The following BRD10 variants were observed in gnomAD, a reference collection of about 807,000 sequenced individuals.
BRD10 encodes uncharacterized bromodomain-containing protein 10.
At chr9:5,918,826 A>T in the BRD10 span, among the ~76,000 whole-genome samples, 3 of 151,946 alleles carry the variant, frequency 2.0e-5, no homozygotes, top group Non-Finnish European at 4.4e-5. Context: ...AAAAAAAAAA[A>T]AAAAAAAGGC....
At chr9:5,983,481 G>C in the BRD10 span, among the ~76,000 whole-genome samples, 146,254 of 152,304 alleles carry the variant, frequency 0.96, 70,526 homozygotes, top group Non-Finnish European at 0.99. Flanking sequence ...AAAAACAACA[G>C]AAAGACTTAG....
At chr9:5,970,451 T>C in the BRD10 span, among the ~76,000 whole-genome samples, 1 of 152,194 alleles carries the variant, frequency 6.6e-6, no homozygotes, top group African/African-American at 2.4e-5. Context: ...TTAGCACTAC[T>C]ATAAAAACTT....
the BRD10 span, among the ~76,000 whole-genome samples, chr9:5,900,925 CTG>C: frequency 0.65 from 98,265 of 151,806 alleles, 33,378 homozygotes; most frequent in Non-Finnish European, 0.75. Context: ...TGTCAGGGCA[CTG>C]TGTTTTTCAA....
At chr9:5,971,003 G>T in the BRD10 span, among the ~76,000 whole-genome samples, 2 of 125,052 alleles carry the variant, frequency 1.6e-5, no homozygotes, top group African/African-American at 6.0e-5. Flanking sequence ...AGTGAGCCGA[G>T]ATTGCACCAT....
At chr9:5,914,345 C>T in the BRD10 span, among the ~76,000 whole-genome samples, 2 of 144,316 alleles carry the variant, frequency 1.4e-5, no homozygotes, top group African/African-American at 2.5e-5. Context: ...GTTGATGGTA[C>T]ATTTGCTTAA....
At chr9:5,930,064 C>T in the BRD10 span, among the ~76,000 whole-genome samples, 3 of 151,258 alleles carry the variant, frequency 2.0e-5, no homozygotes, top group Admixed American at 6.6e-5. Context: ...TTTATAGCTG[C>T]TAAGCCACAG....
At chr9:5,921,746 A>C in the BRD10 span, 1 of 1,613,996 alleles carries the variant, frequency 6.2e-7, no homozygotes, top group South Asian at 1.1e-5. Context: ...TATGCTAATT[A>C]CACTTACCGA....
chr9:5,949,247 C>A, the BRD10 span, among the ~76,000 whole-genome samples: 1 of 151,986 alleles, frequency 6.6e-6, no homozygotes, highest in Non-Finnish European at 1.5e-5. Context: ...TAAGATGACA[C>A]ACTGATAGAG....
At chr9:5,908,929 T>C in the BRD10 span, 3 of 540,894 alleles carry the variant, frequency 5.5e-6, no homozygotes, top group Non-Finnish European at 9.8e-6. Flanking sequence ...TCAATAAATG[T>C]TGCAATGCAT....
the BRD10 span, among the ~76,000 whole-genome samples, chr9:5,966,402 G>A: frequency 2.7e-5 from 4 of 150,112 alleles, no homozygotes; most frequent in African/African-American, 7.3e-5. Flanking sequence ...AATTGAGTTG[G>A]GAAGTAGTTC....
the BRD10 span, among the ~76,000 whole-genome samples, chr9:5,961,943 T>G: frequency 9.5e-6 from 1 of 105,762 alleles, no homozygotes; most frequent in Non-Finnish European, 2.5e-5. Context: ...CTGGATTCAT[T>G]GATTTTTTGA....
chr9:5,914,153 C>A, the BRD10 span: 1 of 402,396 alleles, frequency 2.5e-6, no homozygotes, highest in Non-Finnish European at 4.9e-6. Context: ...TGCTGTTCCA[C>A]GTGCAGGGGA....
the BRD10 span, among the ~76,000 whole-genome samples, chr9:5,953,785 T>A: frequency 6.6e-6 from 1 of 151,928 alleles, no homozygotes; most frequent in Non-Finnish European, 1.5e-5. Flanking sequence ...GATTAAGATA[T>A]AAAAAAGGGT....
chr9:5,936,470 G>A, the BRD10 span, among the ~76,000 whole-genome samples: 29 of 152,284 alleles, frequency 1.9e-4, no homozygotes, highest in Non-Finnish European at 4.0e-4. Flanking sequence ...ACATCTTAAA[G>A]AACTGGTTTC....
At chr9:5,970,511 A>T in the BRD10 span, among the ~76,000 whole-genome samples, 1 of 152,158 alleles carries the variant, frequency 6.6e-6, no homozygotes, top group Admixed American at 6.6e-5. Context: ...AGTCTTTGTG[A>T]CCTTAGATTA....
the BRD10 span, chr9:6,008,053 G>C: frequency 8.8e-7 from 1 of 1,133,192 alleles, no homozygotes; most frequent in East Asian, 4.6e-5. Context: ...CGGCGGCGGC[G>C]CGCGCACGGC....
At chr9:5,929,747 G>A in the BRD10 span, among the ~76,000 whole-genome samples, 1 of 152,000 alleles carries the variant, frequency 6.6e-6, no homozygotes, top group Non-Finnish European at 1.5e-5. Context: ...TTTAACCTAG[G>A]TATTTCACAT....
the BRD10 span, chr9:5,920,231 G>A: frequency 1.9e-6 from 3 of 1,613,730 alleles, no homozygotes; most frequent in Admixed American, 1.7e-5. Context: ...AAGAACTAAG[G>A]GGGCTCCATA....
chr9:5,929,123 A>G, the BRD10 span: 4 of 1,606,028 alleles, frequency 2.5e-6, no homozygotes, highest in South Asian at 3.3e-5. Flanking sequence ...GTACTATGTA[A>G]TTCTTTTACA....
Sources: allele counts gnomAD v4.1 joint callset (sites outside exome capture counted in the v4.1 genomes callset), GRCh38; gene constraint gnomAD v4.1.1; transcripts MANE v1.5; gene names NCBI Gene and HGNC (gene_info 2026-07-23, HGNC 2026-07-21).